Variants in CDH12 observed in about 807,000 individuals in gnomAD.
CDH12 encodes the protein cadherin 12, also known as cadherin-12.
CDH12 carries 41 observed loss-of-function variants against 74.1 expected under a neutral mutation model. The observed-to-expected ratio is 0.55, with a 90% CI of 0.43 to 0.72. The LOEUF is 0.72. CDH12 is among the 30% of genes least tolerant of loss of function. The probability of loss-of-function intolerance (pLI) is 0.00; values close to 1 mark genes in which losing one functional copy is unlikely to be tolerated. For synonymous variants in CDH12, 399 were observed against 355.0 expected, an observed-to-expected ratio of 1.12 and a Z score of -1.39; for missense variants, 945 against 977.2, an observed-to-expected ratio of 0.97 and a Z score of 0.44.
intron 7 of CDH12, among the ~76,000 whole-genome samples, chr5:21,849,325 C>T (rs577605283): frequency 1.3e-5 from 2 of 151,870 alleles, no homozygotes; most frequent in Admixed American, 1.3e-4. Context: ...GTGTTCATCT[C>T]ATGATTTCTA....
intron 4 of CDH12, among the ~76,000 whole-genome samples, chr5:22,209,277 T>C (rs1180842334): frequency 6.6e-6 from 1 of 152,182 alleles, no homozygotes; most frequent in Non-Finnish European, 1.5e-5. Flanking sequence ...TCAACATGAT[T>C]AGCTACACTA....
At chr5:22,415,914 A>G (rs1451034993) in intron 2 of CDH12, among the ~76,000 whole-genome samples, 1 of 152,132 alleles carries the variant, frequency 6.6e-6, no homozygotes, top group African/African-American at 2.4e-5. Context: ...ACAATAAAAA[A>G]AAAAATTGAA....
chr5:22,679,985 C>T (rs187418923), intron 1 of CDH12, among the ~76,000 whole-genome samples: 144 of 152,228 alleles, frequency 9.5e-4, no homozygotes, highest in Middle Eastern at 6.8e-3. Context: ...TCTACAAGAA[C>T]ACTGAACTAG....
intron 1 of CDH12, among the ~76,000 whole-genome samples, chr5:22,730,599 A>C (rs1436600394): frequency 6.6e-6 from 1 of 151,830 alleles, no homozygotes; most frequent in Non-Finnish European, 1.5e-5. Flanking sequence ...ATAATTATGA[A>C]GAACTCAGAA....
rs996502187 is a variant in CDH12, at chr5:22,570,573, C to G, written c.-522-65209G>C. Among the ~76,000 whole-genome samples the G allele has an allele frequency of 2.0e-5, 3 of 152,138 alleles. No individual in the cohort carries two copies. In the East Asian group the frequency reaches 5.8e-4, roughly 29 times the overall value. Reference sequence around the variant, plus strand: ...AGGTCTCAACAGTAGGCTTAACATACTCAGTAAACCATGCTGTAAACAGAT... The same window carrying G: ...AGGTCTCAACAGTAGGCTTAACATAGTCAGTAAACCATGCTGTAAACAGAT... On this transcript the variant is annotated intron_variant, in intron 1 of 14. Coordinates refer to ENST00000382254, the MANE Select transcript of CDH12 (RefSeq NM_004061.5).
chr5:22,712,556 A>T (rs1743343615), intron 1 of CDH12, among the ~76,000 whole-genome samples: 1 of 151,900 alleles, frequency 6.6e-6, no homozygotes, highest in Non-Finnish European at 1.5e-5. Flanking sequence ...TTTCCTCATT[A>T]CTCCTACTTT....
chr5:22,313,482 C>T (rs1738475963), intron 3 of CDH12, among the ~76,000 whole-genome samples: 2 of 152,090 alleles, frequency 1.3e-5, no homozygotes, highest in African/African-American at 4.8e-5. Flanking sequence ...TTCTGGTTTG[C>T]CTGGGACTTT....
At position 22,445,664 on chromosome 5, in the gene CDH12, A is replaced by C. The variant is rs558191001; in HGVS notation, c.-427-40313T>G. Among the ~76,000 whole-genome samples the C allele has an allele frequency of 5.3e-5, 8 of 152,238 alleles. No individual in the cohort carries two copies. In the South Asian group the frequency reaches 1.5e-3, roughly 28 times the overall value. ...TTTCTTTAATCATCTCCAAAGATAGAAAGAGGACTAAAGCTGGAGGAGAGA... is the reference window on the plus strand; with the variant it reads ...TTTCTTTAATCATCTCCAAAGATAGCAAGAGGACTAAAGCTGGAGGAGAGA... On this transcript the variant is annotated intron_variant, in intron 2 of 14. Coordinates refer to ENST00000382254, the MANE Select transcript of CDH12 (RefSeq NM_004061.5).
intron 5 of CDH12, among the ~76,000 whole-genome samples, chr5:22,047,526 AC>A (rs376473484): frequency 0.01 from 1,539 of 148,048 alleles, 26 homozygotes; most frequent in African/African-American, 0.035. Context: ...AAAAGTAAAC[AC>A]CCCCCCCCAC....
intron 8 of CDH12, among the ~76,000 whole-genome samples, chr5:21,832,688 T>C (rs1749090716): frequency 6.8e-6 from 1 of 146,972 alleles, no homozygotes; most frequent in African/African-American, 2.5e-5. Context: ...AATTAACTTA[T>C]TAACTTATTC....
In CDH12 at chr5:22,622,815, T is replaced by C. The variant is rs926583058; in HGVS notation, c.-522-117451A>G. ...AAAAGAGGGAATCCTCCCTAATTCA[T>C]TTTATGAGGCCAGCATCATCCTGAT... On this transcript the variant is annotated intron_variant, in intron 1 of 14. Coordinates refer to ENST00000382254, the MANE Select transcript of CDH12 (RefSeq NM_004061.5). 3.3e-5 allele frequency among the ~76,000 whole-genome samples: 5 copies of C among 152,186 alleles called. No individual in the cohort carries two copies. In the South Asian group the frequency reaches 1.0e-3, roughly 32 times the overall value.
intron 6 of CDH12, chr5:21,883,479 G>T: frequency 6.2e-7 from 1 of 1,612,838 alleles, no homozygotes; most frequent in Non-Finnish European, 8.5e-7. Context: ...TGGTCTTCAG[G>T]TTGTGGCAGT....
intron 6 of CDH12, among the ~76,000 whole-genome samples, chr5:21,904,657 G>A (rs1276591946): frequency 6.6e-6 from 1 of 152,062 alleles, no homozygotes; most frequent in Non-Finnish European, 1.5e-5. Context: ...GCATGTGCCT[G>A]TAGTCCTAGC....
intron 5 of CDH12, among the ~76,000 whole-genome samples, chr5:22,076,118 A>G (rs1450353303): frequency 6.6e-6 from 1 of 152,124 alleles, no homozygotes; most frequent in East Asian, 1.9e-4. Flanking sequence ...CTTGAGAACC[A>G]TGAGTGTTCA....
intron 1 of CDH12, among the ~76,000 whole-genome samples, chr5:22,825,076 T>A (rs1736213080): frequency 6.6e-6 from 1 of 152,050 alleles, no homozygotes; most frequent in African/African-American, 2.4e-5. Flanking sequence ...ATCTCTACAA[T>A]CACGCATTCA....
At chr5:22,494,915 T>C (rs531061641) in intron 2 of CDH12, among the ~76,000 whole-genome samples, 5 of 152,302 alleles carry the variant, frequency 3.3e-5, no homozygotes, top group African/African-American at 1.2e-4. Context: ...CCTTTAATAT[T>C]CCCTATCGTT....
At chr5:22,392,514 A>C (rs964709746) in intron 3 of CDH12, among the ~76,000 whole-genome samples, 1 of 152,192 alleles carries the variant, frequency 6.6e-6, no homozygotes, top group African/African-American at 2.4e-5. Flanking sequence ...AATATTATTA[A>C]CATTCGTCAG....
chr5:21,937,475 T>TA (rs1755124200), intron 6 of CDH12, among the ~76,000 whole-genome samples: 1 of 152,120 alleles, frequency 6.6e-6, no homozygotes. Context: ...TGTAGGGTCA[T>TA]AAAGGAAGAA....
rs185290041 is a variant in CDH12, at chr5:22,002,058, G to T, written c.232-26673C>A. ...TGCAGCAGTGTTTATACTTGTAAAA[G>T]TTATTTATGACTTTATAGGAAGAAT... On this transcript the variant is annotated intron_variant, in intron 5 of 14. Transcript: ENST00000382254. 4.0e-3 allele frequency among the ~76,000 whole-genome samples: 608 copies of T among 152,136 alleles called. 8 individuals carry two copies. The highest frequency in any genetic ancestry group is 0.014 in the Middle Eastern group (4 of 292).
Sources: gnomAD v4.1 joint callset for allele counts (sites outside exome capture counted in the v4.1 genomes callset) on GRCh38, gnomAD v4.1.1 for gene constraint, MANE v1.5 for transcripts, NCBI Gene and HGNC (gene_info 2026-07-23, HGNC 2026-07-21) for gene names.